The following GCNT2 variants were observed in gnomAD, a reference collection of about 807,000 sequenced individuals.
GCNT2 encodes the protein glucosaminyl (N-acetyl) transferase 2 (I blood group).
In GCNT2, 34 loss-of-function variants were observed where a neutral mutation model predicts 34.2. The observed-to-expected ratio is 1.00, with a 90% CI of 0.76 to 1.32. The LOEUF (loss-of-function observed/expected upper bound fraction) is 1.32, where lower values mean the gene tolerates loss of function less well. Ranked by LOEUF, GCNT2 falls within the 40% of genes most tolerant of loss-of-function variation. The pLI is 0.00. For missense variants in GCNT2, 584 were observed against 489.4 expected (o/e 1.19, Z -1.82); for synonymous variants, 212 against 188.0 (o/e 1.13, Z -1.04).
rs1462689598 is a variant in GCNT2 at position 10,569,267 on chromosome 6, ACACACACC to A, written c.925+39433_925+39440del. ...CACACACACACACACACACACACAC[ACACACACC>A]CCCTAGGTAATTTTGCCAAATCCTG... On this transcript the variant is annotated intron_variant, in intron 3 of 4. Coordinates refer to ENST00000495262, the MANE Select transcript of GCNT2 (RefSeq NM_145649.5). 4.1e-4 allele frequency among the ~76,000 whole-genome samples: 60 copies of A among 146,058 alleles called. 1 individual carries two copies. The highest frequency in any genetic ancestry group is 1.3e-3 in the African/African-American group (50 of 39,170).
chr6:10,621,300 C>G (rs1276508516), intron 3 of GCNT2, 51 bp from the exon 4 acceptor site: 2 of 1,135,872 alleles, frequency 1.8e-6, no homozygotes, highest in Non-Finnish European at 2.6e-6. Flanking sequence ...GAAATTGATG[C>G]CCTTCTCTCA....
intron 3 of GCNT2, among the ~76,000 whole-genome samples, chr6:10,611,275 A>G (rs1031530678): frequency 2.2e-4 from 5 of 23,046 alleles, no homozygotes; most frequent in East Asian, 3.2e-3. Context: ...AACTGGTTCA[A>G]TTGATCAATT....
chr6:10,532,045 G>A lies in GCNT2; in HGVS notation c.925+2209G>A, dbSNP rs538185127. ...AGTAGAATCTAGGGCCAGCGGGTGG[G>A]AGATGAGAACACATGGAGCTGGGAA... On this transcript the variant is annotated intron_variant, in intron 3 of 4. Coordinates refer to ENST00000495262, the MANE Select transcript of GCNT2 (RefSeq NM_145649.5). 3.3e-5 allele frequency among the ~76,000 whole-genome samples: 5 copies of A among 152,236 alleles called. No homozygotes were observed. The East Asian group carries it at 7.7e-4, about 23-fold the overall frequency.
intron 3 of GCNT2, among the ~76,000 whole-genome samples, chr6:10,578,709 G>A (rs1015923183): frequency 3.3e-5 from 5 of 152,110 alleles, no homozygotes; most frequent in African/African-American, 1.2e-4. Flanking sequence ...GCCTCCCAAA[G>A]TACTGGGATT....
intron 3 of GCNT2, among the ~76,000 whole-genome samples, chr6:10,582,457 TAATA>T (rs1194024468): frequency 2.4e-4 from 29 of 120,324 alleles, no homozygotes; most frequent in Non-Finnish European, 3.0e-4. Flanking sequence ...ATAATATATA[TAATA>T]AATATAATAT....
chr6:10,529,854 C>A lies in GCNT2; in HGVS notation c.925+18C>A, dbSNP rs188286293. Reference sequence around the variant, plus strand: ...GATTCCCGGTATGTACGTCTCTTAACTTTTATTTTTACGAATAAACACTGC... The same window carrying A: ...GATTCCCGGTATGTACGTCTCTTAAATTTTATTTTTACGAATAAACACTGC... On this transcript the variant is annotated intron_variant, in intron 3 of 4. Coordinates refer to ENST00000495262, the MANE Select transcript of GCNT2 (RefSeq NM_145649.5). 3 of 1,596,126 alleles carry A rather than the reference C, an allele frequency of 1.9e-6. No homozygotes were observed. Among genetic ancestry groups the A allele is most frequent in the Non-Finnish European group, 2.6e-6 (3 of 1,164,810 alleles).
At chr6:10,556,440 G>A (rs771642105) in intron 3 of GCNT2, 7 of 1,613,746 alleles carry the variant, frequency 4.3e-6, no homozygotes, top group African/African-American at 2.7e-5. Flanking sequence ...TTATCAATGC[G>A]TTACCTCTTC....
Position 10,626,848 on chromosome 6 carries a change from C to T in GCNT2, c.*241C>T. On this transcript the variant is annotated 3_prime_UTR_variant, in exon 5 of 5. Transcript: ENST00000495262. ...TTTAGTCTTGCTGTTTCTTGATGCT[C>T]ACCTCTATATTAGTTTATTGTTAGG... 1 of 536,444 alleles carries T rather than the reference C, an allele frequency of 1.9e-6. No individual in the cohort carries two copies. The highest frequency in any genetic ancestry group is 3.3e-5 in the East Asian group (1 of 30,716). 33.2% of individuals were successfully genotyped at this position (536,444 alleles called of 1,614,324 possible). A position where few individuals can be genotyped will look rare whatever the true frequency, so the allele number is the denominator to read the frequency against.
chr6:10,558,501 C>T (rs1762826078), intron 3 of GCNT2, among the ~76,000 whole-genome samples: 2 of 152,150 alleles, frequency 1.3e-5, no homozygotes, highest in South Asian at 4.1e-4. Flanking sequence ...CCTATCTTTA[C>T]TAATTTACCA....
chr6:10,587,043 T>A, intron 3 of GCNT2: 1 of 727,604 alleles, frequency 1.4e-6, no homozygotes, highest in Non-Finnish European at 2.4e-6. Flanking sequence ...TTTGGTTGCT[T>A]GTAGCAACAG....
intron 3 of GCNT2, among the ~76,000 whole-genome samples, chr6:10,534,712 AAAT>A (rs1261787820): frequency 6.7e-6 from 1 of 148,826 alleles, no homozygotes; most frequent in East Asian, 1.9e-4. Flanking sequence ...AAAAATCAAA[AAAT>A]AGTCAGGCGT....
At position 10,601,050 on chromosome 6, in the gene GCNT2, C is replaced by CCT. The variant is rs370866989; in HGVS notation, c.926-20300_926-20299dup. 1.5e-3 allele frequency among the ~76,000 whole-genome samples: 230 copies of CCT among 152,276 alleles called. 1 individual carries two copies. Among genetic ancestry groups the CCT allele is most frequent in the South Asian group, 0.013 (63 of 4,824 alleles). On this transcript the variant is annotated intron_variant, in intron 3 of 4. Coordinates refer to ENST00000495262, the MANE Select transcript of GCNT2 (RefSeq NM_145649.5). ...CAAGCAATTCACCTGCCTTGGCCTC[C>CCT]CTAAGTGCTGGGATTACAGGCATGA...
intron 3 of GCNT2, among the ~76,000 whole-genome samples, chr6:10,535,840 A>C (rs1191632248): frequency 6.6e-6 from 1 of 152,134 alleles, no homozygotes; most frequent in African/African-American, 2.4e-5. Context: ...TGGGTGATTG[A>C]GGGCCCGAAA....
intron 3 of GCNT2, among the ~76,000 whole-genome samples, chr6:10,587,417 A>G (rs926253476): frequency 2.6e-5 from 4 of 152,204 alleles, no homozygotes; most frequent in Admixed American, 1.3e-4. Flanking sequence ...TGGCTGAAAC[A>G]TCTCTGGTTT....
intron 1 of GCNT2, among the ~76,000 whole-genome samples, chr6:10,523,299 G>T (rs1225865912): frequency 6.6e-6 from 1 of 152,032 alleles, no homozygotes; most frequent in Non-Finnish European, 1.5e-5. Flanking sequence ...GGTGGCACAT[G>T]CCTGTAACCC....
chr6:10,626,195 A>G (rs1438784361), intron 4 of GCNT2, among the ~76,000 whole-genome samples: 1 of 152,170 alleles, frequency 6.6e-6, no homozygotes, highest in African/African-American at 2.4e-5. Flanking sequence ...GCCTTGTATG[A>G]TTTAACTCTC....
At chr6:10,620,702 T>C (rs1444065351) in intron 3 of GCNT2, among the ~76,000 whole-genome samples, 1 of 152,210 alleles carries the variant, frequency 6.6e-6, no homozygotes, top group Non-Finnish European at 1.5e-5. Flanking sequence ...AGTAATGATT[T>C]ATATATTATA....
At chr6:10,549,553 A>ATCTC (rs1166305534) in intron 3 of GCNT2, among the ~76,000 whole-genome samples, 16 of 107,708 alleles carry the variant, frequency 1.5e-4, no homozygotes, top group Non-Finnish European at 2.0e-4. Context: ...TTCTCTCTCA[A>ATCTC]TCTCTCTCTC....
At chr6:10,613,480 C>A (rs916301968) in intron 3 of GCNT2, among the ~76,000 whole-genome samples, 10 of 152,060 alleles carry the variant, frequency 6.6e-5, no homozygotes, top group African/African-American at 2.4e-4. Flanking sequence ...TAACTACCCT[C>A]CCAGAGTCCT....
Sources: gnomAD v4.1 joint callset for allele counts (sites outside exome capture counted in the v4.1 genomes callset) on GRCh38, gnomAD v4.1.1 for gene constraint, MANE v1.5 for transcripts, NCBI Gene and HGNC (gene_info 2026-07-23, HGNC 2026-07-21) for gene names.